ADAMTS3: variants seen among roughly 807,000 people sequenced by gnomAD.
The protein encoded by ADAMTS3 is ADAM metallopeptidase with thrombospondin type 1 motif 3.
Under a neutral mutation model 129.0 loss-of-function variants are expected in ADAMTS3, and 73 were observed. That is an observed-to-expected ratio of 0.57 (90% CI 0.47 to 0.69). The LOEUF (loss-of-function observed/expected upper bound fraction) is 0.69, where lower values mean the gene tolerates loss of function less well. ADAMTS3 is among the 30% of genes least tolerant of loss of function. ADAMTS3 has a pLI of 0.00. For synonymous variants in ADAMTS3, 477 were observed against 510.8 expected (o/e 0.93, Z 0.89); for missense variants, 1,457 against 1,514.5 (o/e 0.96, Z 0.63).
At chr4:72,369,689 C>T (rs192033738) in intron 4 of ADAMTS3, among the ~76,000 whole-genome samples, 172 of 140,946 alleles carry the variant, frequency 1.2e-3, no homozygotes, top group African/African-American at 4.1e-3. Context: ...CCAGCCTGGG[C>T]GATAGAGTGA....
chr4:72,536,616 A>C (rs1293298316), intron 3 of ADAMTS3, among the ~76,000 whole-genome samples: 1 of 152,166 alleles, frequency 6.6e-6, no homozygotes, highest in African/African-American at 2.4e-5. Context: ...ATTTTACTGA[A>C]GGAAAGAGAC....
At chr4:72,560,493 T>A (rs986064190) in intron 2 of ADAMTS3, among the ~76,000 whole-genome samples, 1 of 152,144 alleles carries the variant, frequency 6.6e-6, no homozygotes, top group Non-Finnish European at 1.5e-5. Context: ...CACCATGGAA[T>A]ACTATGCAGC....
At chr4:72,477,245 T>C (rs1719263680) in intron 3 of ADAMTS3, among the ~76,000 whole-genome samples, 1 of 152,080 alleles carries the variant, frequency 6.6e-6, no homozygotes, top group African/African-American at 2.4e-5. Flanking sequence ...TGCATTCTTC[T>C]CAGCACCACA....
In ADAMTS3 at chr4:72,312,138, T is replaced by G; in HGVS notation, c.1921+153A>C. 3 of 729,828 alleles carry G rather than the reference T, an allele frequency of 4.1e-6. No homozygotes were observed. In the South Asian group the frequency reaches 5.7e-5, roughly 14 times the overall value. The allele number at this position is 729,828 out of a possible 1,614,324, so 45.2% of individuals were successfully genotyped here. On this transcript the variant is annotated intron_variant, in intron 13 of 21. Coordinates refer to ENST00000286657, the MANE Select transcript of ADAMTS3 (RefSeq NM_014243.3). ...TCTTTAGAGAAAGGGTATTTAAGCCTTATTCTTAGAAACCCAGGAGAACTT... is the reference window on the plus strand; with the variant it reads ...TCTTTAGAGAAAGGGTATTTAAGCCGTATTCTTAGAAACCCAGGAGAACTT...
intron 4 of ADAMTS3, among the ~76,000 whole-genome samples, chr4:72,398,740 C>G (rs923396841): frequency 6.6e-6 from 1 of 152,132 alleles, no homozygotes. Flanking sequence ...GAGAAAGAAA[C>G]GTGTGACACC....
chr4:72,296,171 G>C (rs966118410), intron 18 of ADAMTS3, among the ~76,000 whole-genome samples: 1 of 152,104 alleles, frequency 6.6e-6, no homozygotes. Flanking sequence ...TCTGTAACTT[G>C]GAGGGGAGGG....
intron 3 of ADAMTS3, among the ~76,000 whole-genome samples, chr4:72,477,083 T>C (rs1296148263): frequency 2.0e-5 from 3 of 152,108 alleles, no homozygotes; most frequent in Non-Finnish European, 4.4e-5. Flanking sequence ...TATATTTAAG[T>C]GGTAAAAGAC....
At chr4:72,443,985 T>G (rs1718186301) in intron 3 of ADAMTS3, among the ~76,000 whole-genome samples, 1 of 151,716 alleles carries the variant, frequency 6.6e-6, no homozygotes, top group Non-Finnish European at 1.5e-5. Flanking sequence ...AACAGACAAG[T>G]AATCACCATA....
chr4:72,307,522 T>C (rs1719118965), intron 15 of ADAMTS3, among the ~76,000 whole-genome samples: 2 of 152,002 alleles, frequency 1.3e-5, no homozygotes, highest in Non-Finnish European at 2.9e-5. Flanking sequence ...CTTTAATTAG[T>C]GGAGGGTTCA....
At chr4:72,430,251 AT>A (rs1722665698) in intron 3 of ADAMTS3, among the ~76,000 whole-genome samples, 1 of 152,172 alleles carries the variant, frequency 6.6e-6, no homozygotes, top group Non-Finnish European at 1.5e-5. Context: ...AACTGAAAGA[AT>A]GTGGTAGAAG....
intron 3 of ADAMTS3, 51 bp downstream of exon 3, chr4:72,548,427 G>A: frequency 6.4e-7 from 1 of 1,567,832 alleles, no homozygotes; most frequent in Non-Finnish European, 8.7e-7. Flanking sequence ...AGAAGCCATG[G>A]CTGCACTCCC....
intron 4 of ADAMTS3, among the ~76,000 whole-genome samples, chr4:72,414,209 G>A (rs1722250034): frequency 6.6e-6 from 1 of 151,392 alleles, no homozygotes; most frequent in African/African-American, 2.4e-5. Flanking sequence ...CTCCTTAATA[G>A]TAAGTTACTT....
chr4:72,415,196 G>A (rs992499419), intron 3 of ADAMTS3, among the ~76,000 whole-genome samples: 15 of 151,494 alleles, frequency 9.9e-5, no homozygotes, highest in East Asian at 1.9e-4. Flanking sequence ...AAGGTATTAC[G>A]GAATACAAAA....
intron 3 of ADAMTS3, among the ~76,000 whole-genome samples, chr4:72,483,993 G>A (rs186195377): frequency 9.0e-4 from 137 of 152,100 alleles, no homozygotes; most frequent in East Asian, 5.6e-3. Context: ...ACTCCAGCCC[G>A]GGTGACAGAG....
At chr4:72,407,670 C>T (rs1722082827) in intron 4 of ADAMTS3, among the ~76,000 whole-genome samples, 1 of 152,026 alleles carries the variant, frequency 6.6e-6, no homozygotes, top group East Asian at 1.9e-4. Flanking sequence ...AGAATGGCCA[C>T]AAAGACTTAA....
At chr4:72,336,650 A>G (rs921051018) in intron 5 of ADAMTS3, among the ~76,000 whole-genome samples, 3 of 152,144 alleles carry the variant, frequency 2.0e-5, no homozygotes, top group African/African-American at 7.2e-5. Flanking sequence ...CCAGGGGGAA[A>G]ACCTGAAATT....
chr4:72,480,497 A>G (rs1352719036), intron 3 of ADAMTS3, among the ~76,000 whole-genome samples: 1 of 152,044 alleles, frequency 6.6e-6, no homozygotes, highest in Non-Finnish European at 1.5e-5. Flanking sequence ...TTGAACAATG[A>G]GAACACATGG....
intron 5 of ADAMTS3, among the ~76,000 whole-genome samples, chr4:72,339,108 G>A (rs1039826367): frequency 2.0e-5 from 3 of 152,190 alleles, no homozygotes; most frequent in Admixed American, 6.5e-5. Context: ...GTGAAGCAGA[G>A]TGATTCTAGA....
At position 72,319,945 on chromosome 4, in the gene ADAMTS3, C is replaced by A; in HGVS notation, c.1121G>T (p.Gly374Val). The change falls in exon 8 of 22, where the codon GGC (glycine) becomes GTC (valine). Residue 374 changes from glycine to valine, a missense_variant. Coordinates refer to ENST00000286657, the MANE Select transcript of ADAMTS3 (RefSeq NM_014243.3). ...ACAACTTCTCACTGGATGACACATG[C>A]CGGTGACTGGAGCATATCCTGTAGA... ...AGMQGYAPVT[G>V]MCHPVRSCTL... 6.2e-7 allele frequency: 1 copy of A among 1,613,298 alleles called. No individual in the cohort carries two copies. Among genetic ancestry groups the A allele is most frequent in the Non-Finnish European group, 8.5e-7 (1 of 1,179,390 alleles).
Sources: gnomAD v4.1 joint callset for allele counts (sites outside exome capture counted in the v4.1 genomes callset) on GRCh38, gnomAD v4.1.1 for gene constraint, MANE v1.5 for transcripts, NCBI Gene and HGNC (gene_info 2026-07-23, HGNC 2026-07-21) for gene names.